The following PCSK2 variants were observed in gnomAD, a reference collection of about 807,000 sequenced individuals.
PCSK2 encodes neuroendocrine convertase 2.
In PCSK2, 14 loss-of-function variants were observed where a neutral mutation model predicts 69.7. The observed-to-expected ratio is 0.20, with a 90% confidence interval of 0.13 to 0.31. The LOEUF is 0.31. Among genes scored for constraint, PCSK2 ranks in the 10% least tolerant of loss-of-function variants. The pLI is 1.00. For missense variants in PCSK2, 544 were observed against 842.5 expected, an observed-to-expected ratio of 0.65 and a Z score of 4.39; for synonymous variants, 307 against 320.7, an observed-to-expected ratio of 0.96 and a Z score of 0.46.
intron 2 of PCSK2, among the ~76,000 whole-genome samples, chr20:17,303,711 G>T (rs1375685138): frequency 6.8e-6 from 1 of 146,326 alleles, no homozygotes; most frequent in Non-Finnish European, 1.5e-5. Context: ...TGAATAGCTG[G>T]GACTACAGGC....
At chr20:17,359,691 C>G (rs748927168) in intron 3 of PCSK2, among the ~76,000 whole-genome samples, 1 of 152,198 alleles carries the variant, frequency 6.6e-6, no homozygotes, top group African/African-American at 2.4e-5. Context: ...AGAAAGAGCA[C>G]AGTAAATTTT....
intron 5 of PCSK2, among the ~76,000 whole-genome samples, chr20:17,378,316 G>A (rs1488493270): frequency 6.6e-6 from 1 of 152,076 alleles, no homozygotes; most frequent in Admixed American, 6.6e-5. Flanking sequence ...TCATCAATAC[G>A]ATACTAGACA....
At chr20:17,458,054 A>G (rs1425702950) in intron 10 of PCSK2, among the ~76,000 whole-genome samples, 1 of 152,230 alleles carries the variant, frequency 6.6e-6, no homozygotes, top group Non-Finnish European at 1.5e-5. Flanking sequence ...AAAAGAATGC[A>G]GTCACCATTC....
intron 2 of PCSK2, among the ~76,000 whole-genome samples, chr20:17,262,849 AAC>A (rs1364358816): frequency 6.6e-6 from 1 of 152,214 alleles, no homozygotes; most frequent in African/African-American, 2.4e-5. Context: ...ATGCTTTATA[AAC>A]ACAGAATTTA....
chr20:17,462,911 C>T (rs2033037070), intron 10 of PCSK2, among the ~76,000 whole-genome samples: 1 of 152,134 alleles, frequency 6.6e-6, no homozygotes, highest in Non-Finnish European at 1.5e-5. Context: ...ACAATTAAAG[C>T]AGGTTGATGA....
At chr20:17,261,934 G>A (rs777601550) in intron 2 of PCSK2, among the ~76,000 whole-genome samples, 17 of 152,204 alleles carry the variant, frequency 1.1e-4, no homozygotes, top group Non-Finnish European at 1.2e-4. Context: ...ATATAAACTG[G>A]GGGCAGAATG....
chr20:17,311,480 T>C (rs903630401), intron 2 of PCSK2, among the ~76,000 whole-genome samples: 3 of 152,124 alleles, frequency 2.0e-5, no homozygotes, highest in Non-Finnish European at 4.4e-5. Context: ...AGTAAGCTGT[T>C]GGTCTTCCAA....
chr20:17,444,849 T>C (rs2032667725), intron 8 of PCSK2, among the ~76,000 whole-genome samples: 1 of 152,250 alleles, frequency 6.6e-6, no homozygotes, highest in African/African-American at 2.4e-5. Flanking sequence ...GGAGCTGGAA[T>C]AAAACCCATT....
At chr20:17,309,102 C>T (rs2123107939) in intron 2 of PCSK2, among the ~76,000 whole-genome samples, 1 of 152,208 alleles carries the variant, frequency 6.6e-6, no homozygotes, top group Non-Finnish European at 1.5e-5. Flanking sequence ...GCACAGTCCA[C>T]CATAAAATTG....
chr20:17,429,382 C>A (rs2032317894), intron 6 of PCSK2, 53 bp from the exon 7 acceptor site: 4 of 1,337,322 alleles, frequency 3.0e-6, no homozygotes, highest in Non-Finnish European at 4.3e-6. Context: ...CATGAGAGAT[C>A]TAGCCAAATT....
chr20:17,471,894 G>A (rs2033208669), intron 11 of PCSK2, among the ~76,000 whole-genome samples: 1 of 152,344 alleles, frequency 6.6e-6, no homozygotes, highest in South Asian at 2.1e-4. Flanking sequence ...TCTCCATAAT[G>A]TGCAGGGCTG....
chr20:17,303,279 G>A (rs1989150525), intron 2 of PCSK2, among the ~76,000 whole-genome samples: 1 of 135,052 alleles, frequency 7.4e-6, no homozygotes, highest in Non-Finnish European at 1.5e-5. Flanking sequence ...AACCATATAT[G>A]TCTATTACAT....
chr20:17,250,255 T>A (rs1441471386), intron 1 of PCSK2, among the ~76,000 whole-genome samples: 1 of 152,230 alleles, frequency 6.6e-6, no homozygotes, highest in East Asian at 1.9e-4. Flanking sequence ...TCTCCTTAGT[T>A]TCCTCTAATT....
intron 1 of PCSK2, among the ~76,000 whole-genome samples, chr20:17,253,163 T>A (rs1987054816): frequency 6.6e-6 from 1 of 152,174 alleles, no homozygotes; most frequent in Non-Finnish European, 1.5e-5. Flanking sequence ...ACAGTGATAA[T>A]CACAAAGCTG....
At chr20:17,386,797 T>C (rs2123263386) in intron 5 of PCSK2, among the ~76,000 whole-genome samples, 1 of 152,310 alleles carries the variant, frequency 6.6e-6, no homozygotes, top group East Asian at 1.9e-4. Flanking sequence ...TTTACCACTA[T>C]TACAATGAAT....
chr20:17,423,126 A>C (rs1041190917), intron 6 of PCSK2, among the ~76,000 whole-genome samples: 1 of 152,192 alleles, frequency 6.6e-6, no homozygotes, highest in Non-Finnish European at 1.5e-5. Context: ...GACCCATGAC[A>C]CAGCCTCAGG....
chr20:17,264,868 CT>C (rs5840760), intron 2 of PCSK2, among the ~76,000 whole-genome samples: 130,423 of 150,848 alleles, frequency 0.86, 56,562 homozygotes, highest in Admixed American at 0.9. Flanking sequence ...TTCTTTCTTT[CT>C]TTTTTTTTTC....
intron 2 of PCSK2, among the ~76,000 whole-genome samples, chr20:17,275,597 T>C (rs1988038015): frequency 6.6e-6 from 1 of 152,178 alleles, no homozygotes; most frequent in Admixed American, 6.6e-5. Flanking sequence ...TGACTAAAAA[T>C]GTGTAGCAAC....
intron 2 of PCSK2, among the ~76,000 whole-genome samples, chr20:17,356,489 G>T (rs2030202221): frequency 1.3e-5 from 2 of 152,146 alleles, no homozygotes; most frequent in African/African-American, 4.8e-5. Flanking sequence ...CCTTTCACAG[G>T]ATCCTCTGCA....
Sources: allele counts gnomAD v4.1 joint callset (sites outside exome capture counted in the v4.1 genomes callset), GRCh38; gene constraint gnomAD v4.1.1; transcripts MANE v1.5; gene names NCBI Gene and HGNC (gene_info 2026-07-23, HGNC 2026-07-21).